The following KCNIP4 variants were observed in gnomAD, a reference collection of about 807,000 sequenced individuals.
KCNIP4 encodes potassium voltage-gated channel interacting protein 4, also known as Kv channel-interacting protein 4.
KCNIP4 carries 12 observed loss-of-function variants against 34.0 expected under a neutral mutation model. That is an observed-to-expected ratio of 0.35 (90% CI 0.23 to 0.57). The LOEUF is 0.57. KCNIP4 is among the 20% of genes least tolerant of loss of function. The pLI, the probability that KCNIP4 is intolerant of heterozygous loss-of-function variation, is 0.83. For synonymous variants in KCNIP4, 124 were observed against 102.2 expected (o/e 1.21, Z -1.29); for missense variants, 238 against 311.7 (o/e 0.76, Z 1.78).
chr4:21,062,795 T>C (rs1366957196), intron 1 of KCNIP4, among the ~76,000 whole-genome samples: 3 of 152,086 alleles, frequency 2.0e-5, no homozygotes, highest in Non-Finnish European at 2.9e-5. Flanking sequence ...ACAATTCCCC[T>C]TTACTTGAGG....
At chr4:20,768,720 A>G (rs1293904769) in intron 3 of KCNIP4, among the ~76,000 whole-genome samples, 1 of 152,224 alleles carries the variant, frequency 6.6e-6, no homozygotes, top group Non-Finnish European at 1.5e-5. Flanking sequence ...TTAAAAACTG[A>G]ATATACTCAA....
intron 1 of KCNIP4, among the ~76,000 whole-genome samples, chr4:21,157,338 G>A (rs900392909): frequency 1.1e-5 from 1 of 94,710 alleles, no homozygotes; most frequent in African/African-American, 5.0e-5. Flanking sequence ...TGCATTCAAT[G>A]TATTCTTTTT....
intron 1 of KCNIP4, among the ~76,000 whole-genome samples, chr4:21,190,070 T>C (rs545531620): frequency 1.3e-5 from 2 of 152,370 alleles, no homozygotes; most frequent in South Asian, 2.1e-4. Context: ...TCAAAATTTC[T>C]GTGGGAGTGT....
chr4:21,743,302 C>T (rs1577929295), intron 1 of KCNIP4, among the ~76,000 whole-genome samples: 2 of 152,098 alleles, frequency 1.3e-5, no homozygotes. Flanking sequence ...CTCTAGAGGC[C>T]ACCCACATTC....
chr4:20,762,431 A>G (rs1755029965), intron 3 of KCNIP4, among the ~76,000 whole-genome samples: 1 of 152,218 alleles, frequency 6.6e-6, no homozygotes, highest in African/African-American at 2.4e-5. Context: ...AAGAATGATG[A>G]TCTTTTATTT....
At chr4:21,644,162 T>A (rs1325438939) in intron 1 of KCNIP4, among the ~76,000 whole-genome samples, 1 of 152,130 alleles carries the variant, frequency 6.6e-6, no homozygotes. Flanking sequence ...AACTCAAGAT[T>A]GCAATGTAGT....
intron 1 of KCNIP4, among the ~76,000 whole-genome samples, chr4:21,284,064 T>C (rs1454098924): frequency 1.3e-5 from 2 of 151,774 alleles, no homozygotes; most frequent in African/African-American, 4.8e-5. Context: ...ATACAAAAAA[T>C]TAGCCAGGTG....
chr4:21,678,775 T>C (rs1750116178), intron 1 of KCNIP4, among the ~76,000 whole-genome samples: 1 of 152,190 alleles, frequency 6.6e-6, no homozygotes, highest in Non-Finnish European at 1.5e-5. Context: ...GACTACTCTA[T>C]TTAAATTTCA....
intron 1 of KCNIP4, among the ~76,000 whole-genome samples, chr4:21,683,849 A>G (rs1303764655): frequency 1.6e-4 from 25 of 152,098 alleles, no homozygotes; most frequent in Non-Finnish European, 2.9e-5. Flanking sequence ...AGAAAACCAA[A>G]TACCTGTGGT....
intron 1 of KCNIP4, among the ~76,000 whole-genome samples, chr4:21,456,795 T>C (rs2109761314): frequency 6.6e-6 from 1 of 152,186 alleles, no homozygotes; most frequent in East Asian, 1.9e-4. Context: ...GTTATTCCAT[T>C]ACAAAATTAT....
At position 21,572,624 on chromosome 4, in the gene KCNIP4, A is replaced by AGG. The variant is rs1239777341; in HGVS notation, c.61+375946_61+375947insCC. Among the ~76,000 whole-genome samples, 5 of 150,276 alleles carry AGG rather than the reference A, an allele frequency of 3.3e-5. No individual in the cohort carries two copies. The East Asian group carries it at 9.8e-4, about 29-fold the overall frequency. On this transcript the variant is annotated intron_variant, in intron 1 of 8. Coordinates refer to ENST00000382152, the MANE Select transcript of KCNIP4 (RefSeq NM_025221.6). ...GAAAAAAATGCATGGATCCACAAAGATCTCTCATCTTTTTTTTTTTTTTTT... is the reference window on the plus strand; with the variant it reads ...GAAAAAAATGCATGGATCCACAAAGAGGTCTCTCATCTTTTTTTTTTTTTTTT...
At chr4:21,240,752 A>G (rs187596355) in intron 1 of KCNIP4, among the ~76,000 whole-genome samples, 32 of 152,328 alleles carry the variant, frequency 2.1e-4, no homozygotes, top group Admixed American at 1.8e-3. Context: ...GCCAACTCAA[A>G]AGTACCTTCC....
At chr4:21,827,341 A>C (rs1394235366) in intron 1 of KCNIP4, among the ~76,000 whole-genome samples, 1 of 152,064 alleles carries the variant, frequency 6.6e-6, no homozygotes, top group African/African-American at 2.4e-5. Context: ...GCAACCTAGG[A>C]GACTTAACAA....
At chr4:21,827,214 TA>T (rs1468217152) in intron 1 of KCNIP4, among the ~76,000 whole-genome samples, 5 of 152,040 alleles carry the variant, frequency 3.3e-5, no homozygotes, top group African/African-American at 9.7e-5. Context: ...TGCTCAGCTA[TA>T]AAAATCCAGT....
intron 1 of KCNIP4, among the ~76,000 whole-genome samples, chr4:21,557,146 T>C (rs1739132588): frequency 6.6e-6 from 1 of 152,056 alleles, no homozygotes; most frequent in African/African-American, 2.4e-5. Context: ...TGTGACTGTT[T>C]TATCTGTTTT....
intron 1 of KCNIP4, among the ~76,000 whole-genome samples, chr4:21,788,798 G>A (rs1246710361): frequency 1.3e-5 from 2 of 152,172 alleles, no homozygotes; most frequent in African/African-American, 4.8e-5. Flanking sequence ...TAGCTGGCCG[G>A]TTGTGGTGGC....
At chr4:21,076,780 T>C (rs1310384159) in intron 1 of KCNIP4, among the ~76,000 whole-genome samples, 1 of 152,138 alleles carries the variant, frequency 6.6e-6, no homozygotes, top group Non-Finnish European at 1.5e-5. Context: ...TCATACACTT[T>C]GAGTTTTGGA....
chr4:21,035,269 C>T (rs28470400), intron 1 of KCNIP4, among the ~76,000 whole-genome samples: 3,758 of 152,190 alleles, frequency 0.025, 145 homozygotes, highest in African/African-American at 0.084. Flanking sequence ...TTGGCATTGC[C>T]TGCAATTTCC....
intron 1 of KCNIP4, among the ~76,000 whole-genome samples, chr4:21,841,351 G>T (rs1251608003): frequency 1.3e-5 from 2 of 152,066 alleles, no homozygotes; most frequent in Non-Finnish European, 2.9e-5. Context: ...TGGTTACCTG[G>T]TCTCTTTTTA....
Sources: allele counts gnomAD v4.1 joint callset (sites outside exome capture counted in the v4.1 genomes callset), GRCh38; gene constraint gnomAD v4.1.1; transcripts MANE v1.5; gene names NCBI Gene and HGNC (gene_info 2026-07-23, HGNC 2026-07-21).